LTBP1: variants seen among roughly 807,000 people sequenced by gnomAD.
The protein encoded by LTBP1 is latent-transforming growth factor beta-binding protein 1.
LTBP1 carries 129 observed loss-of-function variants against 207.6 expected under a neutral mutation model. The ratio of observed to expected loss-of-function variants is 0.62; its 90% CI spans 0.54 to 0.72. The LOEUF is 0.72. Ranked by LOEUF, LTBP1 falls within the 30% of genes least tolerant of loss-of-function variation. The pLI, the probability that LTBP1 is intolerant of heterozygous loss-of-function variation, is 0.00. For missense variants in LTBP1, 2,281 were observed against 2,217.2 expected (o/e 1.03, Z -0.58); for synonymous variants, 963 against 833.7 (o/e 1.16, Z -2.67).
chr2:33,170,818 A>G (rs908631454), intron 5 of LTBP1, among the ~76,000 whole-genome samples: 3 of 152,042 alleles, frequency 2.0e-5, no homozygotes, highest in African/African-American at 7.2e-5. Context: ...CAAAACTTCC[A>G]GAGGAACGAT....
At position 33,347,430 on chromosome 2, in the gene LTBP1, G is replaced by C; in HGVS notation, c.3920G>C (p.Gly1307Ala). 1 of 1,614,142 alleles carries C rather than the reference G, an allele frequency of 6.2e-7. No homozygotes were observed. The highest frequency in any genetic ancestry group is 2.2e-5 in the East Asian group (1 of 44,882). Residue 1307 changes from glycine to alanine, a missense_variant, in exon 26 of 34, where the codon GGG becomes GCG. Around this residue, in one of 3 missense-constraint regions of LTBP1, gnomAD observed 1,671 missense variants for 1,634.8 expected, o/e 1.02. Transcript: ENST00000404816. The part of the protein sequence containing the change: ...CGEAFCENVE[G>A]SFLCVCADEN... ...GAAGCCTTCTGTGAAAACGTGGAAG[G>C]GTCCTTCCTGTGCGTGTGTGCTGAT...
intron 5 of LTBP1, among the ~76,000 whole-genome samples, chr2:33,186,163 T>C (rs1220828960): frequency 2.0e-5 from 3 of 152,234 alleles, no homozygotes; most frequent in African/African-American, 2.4e-5. Flanking sequence ...ACTTATTTGT[T>C]CTGGGTAGCA....
chr2:33,325,773 AGC>A (rs1265954659), intron 24 of LTBP1, among the ~76,000 whole-genome samples: 1 of 152,200 alleles, frequency 6.6e-6, no homozygotes, highest in Admixed American at 6.5e-5. Context: ...TTTATAATGG[AGC>A]TAAAACACTC....
intron 15 of LTBP1, among the ~76,000 whole-genome samples, chr2:33,271,678 T>TA (rs1159776977): frequency 6.6e-6 from 1 of 152,192 alleles, no homozygotes; most frequent in African/African-American, 2.4e-5. Context: ...ATGCTAATCC[T>TA]AAAAACCATA....
intron 7 of LTBP1, among the ~76,000 whole-genome samples, chr2:33,189,187 G>A (rs199767981): frequency 1.6e-5 from 2 of 124,800 alleles, no homozygotes; most frequent in African/African-American, 5.5e-5. Flanking sequence ...TTATTTATTT[G>A]TTTATTGATT....
intron 31 of LTBP1, among the ~76,000 whole-genome samples, chr2:33,387,817 T>C (rs904847984): frequency 2.0e-5 from 3 of 149,662 alleles, no homozygotes; most frequent in Non-Finnish European, 4.4e-5. Flanking sequence ...TGCGCGACAA[T>C]AGAGGAAAAT....
chr2:33,349,649 TAC>T (rs972264116), intron 26 of LTBP1, among the ~76,000 whole-genome samples: 6 of 152,348 alleles, frequency 3.9e-5, no homozygotes, highest in South Asian at 2.1e-4. Flanking sequence ...TCTAAATTTT[TAC>T]AGTTTTTCTC....
chr2:32,961,562 C>A (rs1463034768), intron 2 of LTBP1, among the ~76,000 whole-genome samples: 1 of 151,890 alleles, frequency 6.6e-6, no homozygotes, highest in Non-Finnish European at 1.5e-5. Flanking sequence ...ATCCCCCCCA[C>A]CTCAACATCT....
intron 2 of LTBP1, among the ~76,000 whole-genome samples, chr2:32,969,645 A>G (rs1013003185): frequency 1.3e-5 from 2 of 152,192 alleles, no homozygotes; most frequent in Admixed American, 6.5e-5. Context: ...TGGTATATAC[A>G]TACCACATTT....
At chr2:33,386,392 A>G (rs758157648) in intron 31 of LTBP1, among the ~76,000 whole-genome samples, 2 of 152,080 alleles carry the variant, frequency 1.3e-5, no homozygotes, top group East Asian at 1.9e-4. Flanking sequence ...AGGGGAGTGC[A>G]CTGGATTGAA....
intron 3 of LTBP1, among the ~76,000 whole-genome samples, chr2:33,103,899 T>C (rs556774221): frequency 3.9e-5 from 6 of 152,224 alleles, no homozygotes; most frequent in Admixed American, 3.9e-4. Context: ...CCCTGCACTT[T>C]CCTCCTGAAT....
intron 29 of LTBP1, 49 bp downstream of exon 29, chr2:33,363,567 G>C: frequency 6.5e-7 from 1 of 1,549,576 alleles, no homozygotes. Context: ...ATATACAGAT[G>C]GAAAAAATAA....
At chr2:32,991,256 A>T (rs1684367528) in intron 2 of LTBP1, among the ~76,000 whole-genome samples, 1 of 152,250 alleles carries the variant, frequency 6.6e-6, no homozygotes, top group Admixed American at 6.5e-5. Context: ...AGTACATTTT[A>T]AAAATGGATC....
chr2:32,961,406 A>C (rs1221625424), intron 2 of LTBP1, among the ~76,000 whole-genome samples: 1 of 152,246 alleles, frequency 6.6e-6, no homozygotes, highest in East Asian at 1.9e-4. Context: ...CATGGTACTA[A>C]ATTTAAAAAA....
chr2:33,115,549 C>T (rs2080694824), intron 4 of LTBP1, among the ~76,000 whole-genome samples: 1 of 152,020 alleles, frequency 6.6e-6, no homozygotes, highest in Non-Finnish European at 1.5e-5. Flanking sequence ...AAAATTATTG[C>T]CAAGTAGGTA....
chr2:32,966,343 T>C (rs1680003718), intron 2 of LTBP1, among the ~76,000 whole-genome samples: 1 of 152,214 alleles, frequency 6.6e-6, no homozygotes. Flanking sequence ...AAGTCCAGCT[T>C]ATCAATTCTT....
At chr2:33,004,053 C>G (rs964331498) in intron 2 of LTBP1, among the ~76,000 whole-genome samples, 7 of 152,152 alleles carry the variant, frequency 4.6e-5, no homozygotes, top group African/African-American at 1.4e-4. Context: ...TCCCTGAATA[C>G]ACTCACATGG....
In LTBP1 at chr2:33,262,786, G is replaced by A. The variant is rs1316703288; in HGVS notation, c.2483G>A (p.Gly828Asp). ...CCTGGTCAACCCCAGCTGTCTCCAG[G>A]CATTTCCACTATTCATCTGCATCCA... ...LEPGQPQLSP[G>D]ISTIHLHPQF... Residue 828 changes from glycine to aspartate, a missense_variant, in exon 14 of 34, where the codon GGC (glycine) becomes GAC (aspartate). Around this residue, in one of 3 missense-constraint regions of LTBP1, gnomAD observed 1,671 missense variants for 1,634.8 expected, o/e 1.02. Coordinates refer to ENST00000404816, the MANE Select transcript of LTBP1 (RefSeq NM_206943.4). The A allele has an allele frequency of 1.2e-6, 2 of 1,606,328 alleles. No individual in the cohort carries two copies. Among genetic ancestry groups the A allele is most frequent in the Non-Finnish European group, 1.7e-6 (2 of 1,175,364 alleles).
intron 2 of LTBP1, among the ~76,000 whole-genome samples, chr2:33,010,711 G>A (rs1286020229): frequency 6.6e-6 from 1 of 150,500 alleles, no homozygotes; most frequent in Non-Finnish European, 1.5e-5. Context: ...CACATTCTAG[G>A]ATTTTAATCC....
Sources: allele counts gnomAD v4.1 joint callset (sites outside exome capture counted in the v4.1 genomes callset), GRCh38; gene constraint gnomAD v4.1.1; regional missense constraint gnomAD v4.1.1; transcripts MANE v1.5; gene names NCBI Gene and HGNC (gene_info 2026-07-23, HGNC 2026-07-21).